ABCC11: variants seen among roughly 807,000 people sequenced by gnomAD.
ABCC11 encodes ATP-binding cassette sub-family C member 11.
In ABCC11, 135 loss-of-function variants were observed where a neutral mutation model predicts 149.3. The ratio of observed to expected loss-of-function variants is 0.90; its 90% CI spans 0.79 to 1.04. The LOEUF (loss-of-function observed/expected upper bound fraction) is 1.04, where lower values mean the gene tolerates loss of function less well. Among genes scored for constraint, ABCC11 ranks in the 50% least tolerant of loss-of-function variants. The pLI is 0.00. For missense variants in ABCC11, 1,680 were observed against 1,722.1 expected (o/e 0.98, Z 0.43); for synonymous variants, 665 against 671.4 (o/e 0.99, Z 0.15).
At chr16:48,233,241 C>T (rs912894718) in intron 1 of ABCC11, among the ~76,000 whole-genome samples, 2 of 152,184 alleles carry the variant, frequency 1.3e-5, no homozygotes, top group Non-Finnish European at 2.9e-5. Flanking sequence ...TTGGATTGTA[C>T]TTCAAGCAAA....
intron 1 of ABCC11, among the ~76,000 whole-genome samples, chr16:48,239,942 A>G (rs755023123): frequency 1.4e-4 from 22 of 152,378 alleles, no homozygotes; most frequent in Non-Finnish European, 2.8e-4. Context: ...ATCACTGATC[A>G]TTAGAGAAAT....
At chr16:48,213,279 T>G (rs1969072947) in intron 10 of ABCC11, among the ~76,000 whole-genome samples, 164 bp downstream of exon 10, 1 of 152,190 alleles carries the variant, frequency 6.6e-6, no homozygotes, top group African/African-American at 2.4e-5. Context: ...TCATCTGTCT[T>G]CCCAGGCTCC....
intron 26 of ABCC11, among the ~76,000 whole-genome samples, chr16:48,171,466 G>A (rs1168579027): frequency 1.3e-5 from 2 of 152,192 alleles, no homozygotes; most frequent in Non-Finnish European, 2.9e-5. Context: ...GGAAAACCGG[G>A]CCCTGGAACT....
intron 20 of ABCC11, among the ~76,000 whole-genome samples, chr16:48,191,089 CATT>C (rs1966886332): frequency 6.6e-6 from 1 of 152,132 alleles, no homozygotes; most frequent in Non-Finnish European, 1.5e-5. Flanking sequence ...GGATACATGT[CATT>C]ATACATTTTT....
At chr16:48,197,393 A>G (rs1180327460) in intron 17 of ABCC11, among the ~76,000 whole-genome samples, 2 of 152,140 alleles carry the variant, frequency 1.3e-5, no homozygotes, top group Non-Finnish European at 2.9e-5. Context: ...TTCCCTATAT[A>G]TGACCTCATC....
chr16:48,216,616 T>C (rs1326083991), intron 6 of ABCC11, among the ~76,000 whole-genome samples: 2 of 152,228 alleles, frequency 1.3e-5, no homozygotes, highest in Non-Finnish European at 2.9e-5. Flanking sequence ...CTACGATTAA[T>C]ACTACTACTA....
chr16:48,175,220 C>G, intron 26 of ABCC11, 38 bp downstream of exon 26: 2 of 1,584,438 alleles, frequency 1.3e-6, no homozygotes, highest in Non-Finnish European at 1.7e-6. Context: ...GGTCCTGTGA[C>G]CCACCTCCTG....
intron 23 of ABCC11, among the ~76,000 whole-genome samples, chr16:48,182,439 C>T (rs1596684695): frequency 6.6e-6 from 1 of 151,998 alleles, no homozygotes; most frequent in East Asian, 2.0e-4. Context: ...CTCTTCCAGG[C>T]ATTCAGTGCT....
chr16:48,207,295 G>A (rs976725927), intron 12 of ABCC11, among the ~76,000 whole-genome samples: 1 of 152,154 alleles, frequency 6.6e-6, no homozygotes, highest in Admixed American at 6.5e-5. Flanking sequence ...CAGGCGTCAT[G>A]GGTGCTTTTA....
intron 28 of ABCC11, 139 bp downstream of exon 28, chr16:48,169,966 T>TTGC (rs1555523269): frequency 1.3e-5 from 8 of 621,086 alleles, no homozygotes; most frequent in African/African-American, 1.9e-5. Flanking sequence ...GCTGTTGTTG[T>TTGC]TGTTGTTGTT....
In ABCC11 at chr16:48,231,932, T is replaced by A. The variant is rs757835647; in HGVS notation, c.-11A>T. The A allele has an allele frequency of 3.1e-6, 5 of 1,613,740 alleles. No homozygotes were observed. The African/African-American group carries it at 5.3e-5, about 17-fold the overall frequency. ...CCTCTTCCTAGTCATTTTCAGTTCCTGCCAATTCTTCGTTTCCCAGAATCA... is the reference window on the plus strand; with the variant it reads ...CCTCTTCCTAGTCATTTTCAGTTCCAGCCAATTCTTCGTTTCCCAGAATCA... On this transcript the variant is annotated 5_prime_UTR_variant, in exon 2 of 30. Transcript: ENST00000356608.
At chr16:48,201,049 G>C (rs1041109302) in intron 14 of ABCC11, among the ~76,000 whole-genome samples, 4 of 152,112 alleles carry the variant, frequency 2.6e-5, no homozygotes, top group African/African-American at 9.7e-5. Flanking sequence ...GTTAGTAGGG[G>C]ATGAATAAAT....
chr16:48,222,508 C>T (rs759667546), intron 6 of ABCC11, 90 bp downstream of exon 6: 86 of 1,084,486 alleles, frequency 7.9e-5, no homozygotes, highest in Non-Finnish European at 1.0e-4. Context: ...CTTCTAACCC[C>T]CTTTTCTCCC....
chr16:48,203,995 C>G (rs778554271), intron 13 of ABCC11, among the ~76,000 whole-genome samples: 6 of 152,198 alleles, frequency 3.9e-5, no homozygotes, highest in Non-Finnish European at 7.3e-5. Context: ...TTTTAGTATT[C>G]CATTATATGG....
At chr16:48,208,630 C>A in intron 11 of ABCC11, 134 bp from the exon 12 acceptor site, 1 of 899,898 alleles carries the variant, frequency 1.1e-6, no homozygotes, top group East Asian at 2.6e-5. Flanking sequence ...CCCAAGACTC[C>A]TCAGACAGGC....
intron 6 of ABCC11, among the ~76,000 whole-genome samples, chr16:48,218,609 T>G (rs13338524): frequency 0.21 from 32,033 of 152,118 alleles, 3,751 homozygotes; most frequent in Middle Eastern, 0.33. Flanking sequence ...CACCCAAATC[T>G]CATCTTGAAT....
intron 17 of ABCC11, among the ~76,000 whole-genome samples, chr16:48,197,768 C>T (rs910081979): frequency 4.6e-5 from 7 of 152,210 alleles, no homozygotes; most frequent in African/African-American, 1.7e-4. Context: ...ACACTCACTT[C>T]CTGGATCCTT....
intron 19 of ABCC11, 72 bp from the exon 20 acceptor site, chr16:48,192,789 T>C: frequency 2.8e-6 from 4 of 1,452,834 alleles, no homozygotes; most frequent in Non-Finnish European, 3.8e-6. Context: ...GCCTTCTCCC[T>C]GGGGCCACGT....
chr16:48,172,172 G>A (rs542879848), intron 26 of ABCC11, among the ~76,000 whole-genome samples: 2 of 152,182 alleles, frequency 1.3e-5, no homozygotes, highest in East Asian at 1.9e-4. Flanking sequence ...TTCACTTCGT[G>A]TCCATCCATA....
Sources: allele counts gnomAD v4.1 joint callset (sites outside exome capture counted in the v4.1 genomes callset), GRCh38; gene constraint gnomAD v4.1.1; transcripts MANE v1.5; gene names NCBI Gene and HGNC (gene_info 2026-07-23, HGNC 2026-07-21).